POLE: variants seen among roughly 807,000 people sequenced by gnomAD.
POLE encodes DNA polymerase epsilon catalytic subunit A.
Under a neutral mutation model 279.2 loss-of-function variants are expected in POLE, and 188 were observed. The observed-to-expected ratio is 0.67, with a 90% CI of 0.60 to 0.76. The LOEUF (loss-of-function observed/expected upper bound fraction) is 0.76, where lower values mean the gene tolerates loss of function less well. Ranked by LOEUF, POLE falls within the 30% of genes least tolerant of loss-of-function variation. POLE has a pLI of 0.00. For missense variants in POLE, 2,703 were observed against 3,016.7 expected (o/e 0.90, Z 2.44); for synonymous variants, 1,214 against 1,172.5 (o/e 1.04, Z -0.72).
rs5744800 is a variant in POLE at position 132,668,440 on chromosome 12, G to A, written c.2089C>T (p.Pro697Ser). 1,359 of 1,612,760 alleles carry A rather than the reference G, an allele frequency of 8.4e-4. 11 individuals carry two copies. In the African/African-American group the frequency reaches 0.015, roughly 17 times the overall value. ...CGAGCTGGCCCCTCTGGGAACAAGG[G>A]GGGGAACTTCTCTGACTCCAGCTGG... ...QHQLESEKFP[P>S]LFPEGPARAF... Residue 697 changes from proline to serine, a missense_variant, in exon 19 of 49, where the codon CCC (proline) becomes TCC (serine). Around this residue, in one of 5 missense-constraint regions of POLE, gnomAD observed 1,011 missense variants for 1,111.7 expected, o/e 0.91. Transcript: ENST00000320574. This position sits in a 1 kb window ranked among gnomAD's most constrained non-coding sequence, Gnocchi z 4.0.
At chr12:132,653,761 C>T (rs543139740) in intron 29 of POLE, among the ~76,000 whole-genome samples, 10 of 152,276 alleles carry the variant, frequency 6.6e-5, no homozygotes, top group Admixed American at 5.9e-4. Flanking sequence ...TTCAATGCTT[C>T]CAGTGTTTTG....
chr12:132,665,596 CTCCTAG>C, intron 20 of POLE, 146 bp from the exon 21 acceptor site: 1 of 835,672 alleles, frequency 1.2e-6, no homozygotes, highest in Non-Finnish European at 1.8e-6. Context: ...GTACATTCTT[CTCCTAG>C]ACTGGCCAAC....
At chr12:132,667,095 C>T (rs1420016751) in intron 20 of POLE, among the ~76,000 whole-genome samples, 3 of 152,140 alleles carry the variant, frequency 2.0e-5, no homozygotes, top group Non-Finnish European at 4.4e-5. Context: ...GTCAGTTAAA[C>T]ACGAGGGGCC....
chr12:132,659,022 T>C (rs2042616580), intron 26 of POLE, among the ~76,000 whole-genome samples: 1 of 151,982 alleles, frequency 6.6e-6, no homozygotes, highest in Admixed American at 6.6e-5. Context: ...TTGTAACCTG[T>C]AGCTGCAATT....
intron 29 of POLE, among the ~76,000 whole-genome samples, chr12:132,656,079 A>C (rs2042528834): frequency 6.6e-6 from 1 of 151,770 alleles, no homozygotes; most frequent in African/African-American, 2.4e-5. Context: ...GCTACACTAG[A>C]GGCTGAGGCA....
intron 26 of POLE, 59 bp downstream of exon 26, chr12:132,659,236 C>A (rs2138672723): frequency 6.5e-7 from 1 of 1,543,464 alleles, no homozygotes; most frequent in Non-Finnish European, 8.8e-7. Flanking sequence ...ACGGAGGGAG[C>A]CCTCACCTGT....
chr12:132,625,897 TGCAC>T, intron 46 of POLE, 127 bp from the exon 47 acceptor site: 1 of 1,323,872 alleles, frequency 7.6e-7, no homozygotes, highest in Non-Finnish European at 1.0e-6. Context: ...TGAGTGCAGC[TGCAC>T]GCACTCTGGC....
At chr12:132,625,618 C>G in intron 47 of POLE, 27 bp downstream of exon 47, 1 of 1,611,312 alleles carries the variant, frequency 6.2e-7, no homozygotes, top group Non-Finnish European at 8.5e-7. Context: ...CTCCAGGGCA[C>G]ACGGGCAGGC....
At chr12:132,680,983 A>T in intron 2 of POLE, 155 bp downstream of exon 2, 1 of 843,876 alleles carries the variant, frequency 1.2e-6, no homozygotes, top group Non-Finnish European at 1.8e-6. Flanking sequence ...GCCCTCAATG[A>T]CGTTAAAGAG....
At position 132,673,600 on chromosome 12, in the gene POLE, C is replaced by T. The variant is rs995479413; in HGVS notation, c.1334G>A (p.Cys445Tyr). The change falls in exon 13 of 49, where the codon TGC (cysteine) becomes TAC (tyrosine). Residue 445 changes from cysteine (C) to tyrosine (Y), a missense_variant. Physicochemically the swap from Cys to Tyr is radical, Grantham distance 194 (BLOSUM62 -2). Coordinates refer to ENST00000320574, the MANE Select transcript of POLE (RefSeq NM_006231.4). ...DPVELDPEDM[C>Y]RMATEQPQTL... is the part of the protein sequence containing the mutation. ...CTGGGGCTGCTCCGTGGCCATCCGG[C>T]ACATGTCCTCCGGGTCTAGCTCCAC... The T allele has an allele frequency of 9.3e-6, 15 of 1,613,366 alleles. No homozygotes were observed. Among genetic ancestry groups the T allele is most frequent in the Non-Finnish European group, 1.2e-5 (14 of 1,179,998 alleles).
chr12:132,627,244 T>C (rs2138436576), intron 45 of POLE, among the ~76,000 whole-genome samples: 1 of 151,364 alleles, frequency 6.6e-6, no homozygotes, highest in Non-Finnish European at 1.5e-5. Context: ...ATTGCACCAC[T>C]GCACTCCAGC....
At chr12:132,647,609 C>T (rs751805812) in intron 32 of POLE, among the ~76,000 whole-genome samples, 2 of 152,112 alleles carry the variant, frequency 1.3e-5, no homozygotes, top group Admixed American at 6.5e-5. Context: ...ATGGACCCCA[C>T]GAGACATGGA....
At chr12:132,643,023 T>TC (rs757718997) in intron 35 of POLE, 27 bp from the exon 36 acceptor site, 32 of 1,564,626 alleles carry the variant, frequency 2.0e-5, no homozygotes, top group Non-Finnish European at 2.7e-5. Context: ...CACGTCAGCC[T>TC]CCCCCTGCGC....
intron 29 of POLE, among the ~76,000 whole-genome samples, 178 bp downstream of exon 29, chr12:132,656,958 A>T (rs2042554498): frequency 6.6e-6 from 1 of 152,210 alleles, no homozygotes; most frequent in African/African-American, 2.4e-5. Flanking sequence ...TGTCCTATTA[A>T]CAAAAGAGTG....
At chr12:132,641,030 T>C (rs2042129778) in intron 39 of POLE, 2 of 456,742 alleles carry the variant, frequency 4.4e-6, no homozygotes, top group South Asian at 3.1e-5. Flanking sequence ...TTCCATTCAT[T>C]TGTGGTATGA....
intron 8 of POLE, among the ~76,000 whole-genome samples, chr12:132,676,868 A>G (rs2043066528): frequency 1.3e-5 from 2 of 152,234 alleles, no homozygotes; most frequent in Admixed American, 6.5e-5. Context: ...GCAGCTGATC[A>G]CAGGACAAGC....
At chr12:132,646,088 G>C (rs2042277597) in intron 32 of POLE, among the ~76,000 whole-genome samples, 1 of 152,120 alleles carries the variant, frequency 6.6e-6, no homozygotes, top group Admixed American at 6.5e-5. Flanking sequence ...AGACCAACAG[G>C]GCATGTCAAA....
At chr12:132,629,918 T>C (rs1032513310) in intron 45 of POLE, among the ~76,000 whole-genome samples, 4 of 152,192 alleles carry the variant, frequency 2.6e-5, no homozygotes, top group African/African-American at 9.7e-5. Context: ...ACTCTTCCTT[T>C]CACTTGAACA....
In POLE at chr12:132,634,277, G is replaced by T. The variant is rs532175815; in HGVS notation, c.5913C>A (p.Asn1971Lys). The T allele has an allele frequency of 1.2e-6, 2 of 1,614,058 alleles. No individual in the cohort carries two copies. The highest frequency in any genetic ancestry group is 1.1e-5 in the South Asian group (1 of 91,088). The change falls in exon 43 of 49, where the codon AAC (asparagine) becomes AAA (lysine). Residue 1971 changes from asparagine to lysine, a missense_variant. This residue lies in a region of POLE where 1,551 missense variants were observed against 1,686.1 expected (regional missense o/e 0.92). Transcript: ENST00000320574. This position sits in a 1 kb window ranked among gnomAD's most constrained non-coding sequence, Gnocchi z 4.0. ...AGTTGTTTTCCAGTAAATCCTCCACGTTGGATTCCTCCGCCTCTTCCTCCT... is the reference window on the plus strand; with the variant it reads ...AGTTGTTTTCCAGTAAATCCTCCACTTTGGATTCCTCCGCCTCTTCCTCCT... ...GEEEEEAEES[N>K]VEDLLENNWN...
Sources: allele counts gnomAD v4.1 joint callset (sites outside exome capture counted in the v4.1 genomes callset), GRCh38; gene constraint gnomAD v4.1.1; regional missense constraint gnomAD v4.1.1; non-coding constraint Gnocchi (gnomAD v3.1); transcripts MANE v1.5; gene names NCBI Gene and HGNC (gene_info 2026-07-23, HGNC 2026-07-21).